The following HEG1 variants were observed in gnomAD, a reference collection of about 807,000 sequenced individuals.
HEG1 encodes the protein heart development protein with EGF like domains 1, also known as protein HEG homolog 1.
Under a neutral mutation model 125.6 loss-of-function variants are expected in HEG1, and 56 were observed. That is an observed-to-expected ratio of 0.45 (90% CI 0.36 to 0.56). The LOEUF (loss-of-function observed/expected upper bound fraction) is 0.56. HEG1 is among the 20% of genes least tolerant of loss of function. The pLI is 0.00. For missense variants in HEG1, 1,523 were observed against 1,670.0 expected, an observed-to-expected ratio of 0.91 and a Z score of 1.53; for synonymous variants, 644 against 668.5, an observed-to-expected ratio of 0.96 and a Z score of 0.57.
intron 5 of HEG1, among the ~76,000 whole-genome samples, chr3:125,018,213 G>A (rs959337293): frequency 3.9e-5 from 6 of 152,136 alleles, no homozygotes; most frequent in African/African-American, 7.2e-5. Flanking sequence ...GAAAAGGAAC[G>A]AAGTTGTGAT....
intron 8 of HEG1, among the ~76,000 whole-genome samples, chr3:125,006,112 C>T (rs1199131860): frequency 6.6e-6 from 1 of 152,132 alleles, no homozygotes. Flanking sequence ...CCTAAGGACA[C>T]CCAAGGGACT....
intron 8 of HEG1, among the ~76,000 whole-genome samples, chr3:125,008,188 G>T (rs951306563): frequency 2.0e-5 from 3 of 152,152 alleles, no homozygotes; most frequent in African/African-American, 7.2e-5. Flanking sequence ...GGGATTACAG[G>T]CATAAGCCAC....
Position 125,029,371 on chromosome 3 carries a change from T to G in HEG1, c.434A>C (p.Gln145Pro), listed in dbSNP as rs1239484266. ...AGCAGCATGGCTCTTCCCAGAGGTC[T>G]GAACCATCACGCCCTCTTTGGAGGA... ...TVSSKEGVMV[Q>P]TSGKSHAASD... The change falls in exon 2 of 17, where the codon CAG becomes CCG. Residue 145 changes from glutamine to proline, a missense_variant. Physicochemically the swap from Gln to Pro is moderately conservative, Grantham distance 76. Transcript: ENST00000311127. 6.2e-7 allele frequency: 1 copy of G among 1,613,766 alleles called. No individual in the cohort carries two copies. The highest frequency in any genetic ancestry group is 8.5e-7 in the Non-Finnish European group (1 of 1,179,906).
chr3:125,016,787 T>C (rs529262067), intron 5 of HEG1, among the ~76,000 whole-genome samples: 174 of 152,380 alleles, frequency 1.1e-3, no homozygotes, highest in African/African-American at 3.9e-3. Context: ...AAAGCTTAAA[T>C]GATCAGCTAA....
Position 125,047,739 on chromosome 3 carries a change from G to C in HEG1, c.316+7836C>G, listed in dbSNP as rs556486453. 2.6e-4 allele frequency among the ~76,000 whole-genome samples: 39 copies of C among 152,282 alleles called. No individual in the cohort carries two copies. The South Asian group carries it at 6.2e-3, about 24-fold the overall frequency. ...GGTTTTCAATTCTAGCCCAACATATGATAATCACTAGTCACAGCCCTGCAC... is the reference window on the plus strand; with the variant it reads ...GGTTTTCAATTCTAGCCCAACATATCATAATCACTAGTCACAGCCCTGCAC... On this transcript the variant is annotated intron_variant, in intron 1 of 16. Coordinates refer to ENST00000311127, the MANE Select transcript of HEG1 (RefSeq NM_020733.2).
At chr3:125,026,461 A>G (rs2107706243) in intron 3 of HEG1, among the ~76,000 whole-genome samples, 1 of 152,306 alleles carries the variant, frequency 6.6e-6, no homozygotes, top group Non-Finnish European at 1.5e-5. Context: ...GATGAATAGT[A>G]ATTGGAACAG....
intron 9 of HEG1, among the ~76,000 whole-genome samples, chr3:125,004,013 G>A (rs1317438641): frequency 6.6e-6 from 1 of 152,192 alleles, no homozygotes; most frequent in African/African-American, 2.4e-5. Context: ...TAGTGATGGT[G>A]GTTTAGTGGA....
At chr3:125,030,418 A>G (rs1197278308) in intron 1 of HEG1, among the ~76,000 whole-genome samples, 2 of 152,250 alleles carry the variant, frequency 1.3e-5, no homozygotes, top group Non-Finnish European at 2.9e-5. Context: ...CATTGTTTAC[A>G]GTAGAAAGAG....
intron 5 of HEG1, chr3:125,014,919 T>G: frequency 7.8e-7 from 1 of 1,289,764 alleles, no homozygotes; most frequent in Non-Finnish European, 1.0e-6. Flanking sequence ...AGCCAAGGTG[T>G]GGGTGCCGAG....
Position 125,021,007 on chromosome 3 carries a change from A to G in HEG1, c.1037T>C (p.Leu346Ser). 1 of 1,613,890 alleles carries G rather than the reference A, an allele frequency of 6.2e-7. No individual in the cohort carries two copies. The highest frequency in any genetic ancestry group is 8.5e-7 in the Non-Finnish European group (1 of 1,179,866). ...TDGGPRTLRS[L>S]TVSLGPVSKT... ...GCTCACAGGTCCCAGACTGACCGTC[A>G]AAGATCGCAGCGTTCTCGGGCCACC... Residue 346 changes from leucine (L) to serine (S), a missense_variant, in exon 4 of 17, where the codon TTG becomes TCG. Transcript: ENST00000311127.
chr3:125,002,426 T>G, intron 9 of HEG1, 111 bp from the exon 10 acceptor site: 1 of 913,244 alleles, frequency 1.1e-6, no homozygotes, highest in Middle Eastern at 2.2e-4. Context: ...CATCAAGTTA[T>G]CAGCACGCGG....
chr3:124,974,483 T>G (rs1936501169), intron 15 of HEG1, among the ~76,000 whole-genome samples: 1 of 152,090 alleles, frequency 6.6e-6, no homozygotes, highest in Admixed American at 6.5e-5. Flanking sequence ...CCTCCAACTC[T>G]CCGGGCAGTG....
Position 125,019,617 on chromosome 3 carries a change from A to G in HEG1, c.1253-20T>C, listed in dbSNP as rs768327287. 1 of 1,585,300 alleles carries G rather than the reference A, an allele frequency of 6.3e-7. No individual in the cohort carries two copies. Among genetic ancestry groups the G allele is most frequent in the Admixed American group, 1.7e-5 (1 of 58,834 alleles). On this transcript the variant is annotated intron_variant, in intron 4 of 16. Transcript: ENST00000311127. Reference sequence around the variant, plus strand: ...CAAAGGCTGTAAGGTAATATAGGAAAAAAAGGCCATTACATAGGTATGAAA... The same window carrying G: ...CAAAGGCTGTAAGGTAATATAGGAAGAAAAGGCCATTACATAGGTATGAAA...
chr3:125,012,692 G>A lies in HEG1; in HGVS notation c.2887C>T (p.Pro963Ser), dbSNP rs931437491. 1.9e-6 allele frequency: 3 copies of A among 1,613,944 alleles called. No individual in the cohort carries two copies. Among genetic ancestry groups the A allele is most frequent in the South Asian group, 1.1e-5 (1 of 91,044 alleles). The part of the protein sequence containing the change: ...TVVSTAEDLA[P>S]KSATFAVQSS... ...TGAACAGCAAAGGTGGCAGATTTGGGAGCCAAGTCTTCAGCCGTGGAAACA... is the reference window on the plus strand; with the variant it reads ...TGAACAGCAAAGGTGGCAGATTTGGAAGCCAAGTCTTCAGCCGTGGAAACA... Residue 963 changes from proline (P) to serine (S), a missense_variant, in exon 6 of 17, where the codon CCC becomes TCC. Coordinates refer to ENST00000311127, the MANE Select transcript of HEG1 (RefSeq NM_020733.2).
rs575394294 is a variant in HEG1 at position 124,997,648 on chromosome 3, C to T, written c.3652+41G>A. 2.6e-6 allele frequency: 4 copies of T among 1,525,812 alleles called. No homozygotes were observed. The Admixed American group carries it at 7.7e-5, about 29-fold the overall frequency. 94.5% of individuals were successfully genotyped at this position (1,525,812 alleles called of 1,614,324 possible). ...AGAGAAACAGAGCACCAGGCAGAGT[C>T]CCAGGACTGGGCACAGAACCCCAGG... On this transcript the variant is annotated intron_variant, in intron 12 of 16. Transcript: ENST00000311127.
At chr3:125,036,412 T>C (rs943811858) in intron 1 of HEG1, among the ~76,000 whole-genome samples, 11 of 152,016 alleles carry the variant, frequency 7.2e-5, no homozygotes, top group African/African-American at 9.7e-5. Flanking sequence ...GGGTTGAGAA[T>C]GGTTAATTCT....
intron 14 of HEG1, among the ~76,000 whole-genome samples, chr3:124,987,723 T>C (rs1936761334): frequency 6.6e-6 from 1 of 151,036 alleles, no homozygotes; most frequent in African/African-American, 2.4e-5. Flanking sequence ...GGTTTCACCG[T>C]GTTAGCCAGG....
At position 124,966,728 on chromosome 3, in the gene HEG1, T is replaced by A. The variant is rs11538075; in HGVS notation, c.*3924A>T. ...TTTAGAACTATGGGTCAAAACCCTG[T>A]GTGTTAGGCTAAACTTAGCCAAGGG... On this transcript the variant is annotated 3_prime_UTR_variant, in exon 17 of 17. Transcript: ENST00000311127. 1.3e-5 allele frequency: 2 copies of A among 152,218 alleles called. No homozygotes were observed. The highest frequency in any genetic ancestry group is 4.8e-5 in the African/African-American group (2 of 41,452). 9.4% of individuals were successfully genotyped at this position (152,218 alleles called of 1,614,324 possible).
chr3:124,988,742 C>T (rs1396679560), intron 14 of HEG1, among the ~76,000 whole-genome samples: 4 of 152,182 alleles, frequency 2.6e-5, no homozygotes, highest in African/African-American at 9.6e-5. Flanking sequence ...CATGGTAAAA[C>T]CCCGTCTCTA....
Sources: gnomAD v4.1 joint callset for allele counts (sites outside exome capture counted in the v4.1 genomes callset) on GRCh38, gnomAD v4.1.1 for gene constraint, MANE v1.5 for transcripts, NCBI Gene and HGNC (gene_info 2026-07-23, HGNC 2026-07-21) for gene names.